The following RSRC1 variants were observed in gnomAD, a reference collection of about 807,000 sequenced individuals.
The protein encoded by RSRC1 is arginine and serine rich coiled-coil 1, also known as serine/Arginine-related protein 53.
In RSRC1, 39 loss-of-function variants were observed where a neutral mutation model predicts 49.1. The observed-to-expected ratio is 0.79, with a 90% CI of 0.61 to 1.04. The LOEUF (loss-of-function observed/expected upper bound fraction) is 1.04, where lower values mean the gene tolerates loss of function less well. Among genes scored for constraint, RSRC1 ranks in the 50% least tolerant of loss-of-function variants. The probability of loss-of-function intolerance (pLI) is 0.00; values close to 1 mark genes in which losing one functional copy is unlikely to be tolerated. For missense variants in RSRC1, 388 were observed against 402.4 expected (o/e 0.96, Z 0.31); for synonymous variants, 143 against 130.8 (o/e 1.09, Z -0.63).
chr3:158,379,358 G>A (rs996660905), intron 6 of RSRC1, among the ~76,000 whole-genome samples: 15 of 151,306 alleles, frequency 9.9e-5, no homozygotes, highest in African/African-American at 3.4e-4. Context: ...CCGCCACCAC[G>A]CCCGGCTAAT....
intron 6 of RSRC1, among the ~76,000 whole-genome samples, chr3:158,440,769 C>T (rs1736339754): frequency 6.6e-6 from 1 of 151,926 alleles, no homozygotes; most frequent in South Asian, 2.1e-4. Flanking sequence ...CATGGTGAAA[C>T]CCCATCTCTA....
chr3:158,330,011 G>A (rs957376065), intron 5 of RSRC1, among the ~76,000 whole-genome samples: 3 of 152,182 alleles, frequency 2.0e-5, no homozygotes, highest in Admixed American at 6.5e-5. Flanking sequence ...GCGAGGCTCC[G>A]TGGGCGTTGG....
intron 4 of RSRC1, among the ~76,000 whole-genome samples, chr3:158,287,523 G>C (rs1559977766): frequency 1.3e-5 from 2 of 151,968 alleles, no homozygotes; most frequent in African/African-American, 4.8e-5. Flanking sequence ...TTATACCCCA[G>C]TTTTATTTAT....
chr3:158,226,920 A>T (rs1474032563), intron 4 of RSRC1, among the ~76,000 whole-genome samples: 1 of 151,934 alleles, frequency 6.6e-6, no homozygotes, highest in East Asian at 1.9e-4. Flanking sequence ...AAGGTTGAGA[A>T]ATATTTTCAT....
chr3:158,423,020 G>A (rs1248407526), intron 6 of RSRC1, among the ~76,000 whole-genome samples: 2 of 152,110 alleles, frequency 1.3e-5, no homozygotes, highest in Admixed American at 1.3e-4. Flanking sequence ...CTCCCATTCT[G>A]TAAGTTGCCT....
intron 5 of RSRC1, among the ~76,000 whole-genome samples, chr3:158,301,991 G>GTTTT (rs35843326): frequency 7.0e-6 from 1 of 142,784 alleles, no homozygotes. Context: ...GGGTTTTTTT[G>GTTTT]TTTTTTTTTT....
rs1204058962 is a variant in RSRC1 at position 158,122,262 on chromosome 3, G to A, written c.158G>A (p.Arg53Lys). The A allele has an allele frequency of 2.5e-6, 4 of 1,599,218 alleles. No individual in the cohort carries two copies. The highest frequency in any genetic ancestry group is 1.1e-5 in the South Asian group (1 of 89,316). The change falls in exon 2 of 10, where the codon AGA (arginine) becomes AAA (lysine). Residue 53 changes from arginine (R) to lysine (K), a missense_variant. By Grantham distance (26) the Arg-to-Lys change is conservative. Coordinates refer to ENST00000611884, the MANE Select transcript of RSRC1 (RefSeq NM_001271838.2). Reference protein sequence around the residue: ...KSRSKSRSWSRDLQPRSHSYD... With the variant: ...KSRSKSRSWSKDLQPRSHSYD... ...AGATCAAAGTCAAGATCTTGGTCCAGAGATCTTCAGCCTCGTTCACATTCT... is the reference window on the plus strand; with the variant it reads ...AGATCAAAGTCAAGATCTTGGTCCAAAGATCTTCAGCCTCGTTCACATTCT...
chr3:158,215,236 A>G (rs1425328525), intron 4 of RSRC1, among the ~76,000 whole-genome samples: 1 of 149,272 alleles, frequency 6.7e-6, no homozygotes, highest in African/African-American at 2.5e-5. Context: ...TCCATCTTCC[A>G]TCATTTACTT....
chr3:158,322,293 C>T (rs1728808415), intron 5 of RSRC1, among the ~76,000 whole-genome samples: 2 of 152,160 alleles, frequency 1.3e-5, no homozygotes, highest in Admixed American at 1.3e-4. Context: ...GAGATGGGAT[C>T]TTACTATCAT....
chr3:158,436,386 A>G (rs1038939507), intron 6 of RSRC1, among the ~76,000 whole-genome samples: 4 of 151,998 alleles, frequency 2.6e-5, no homozygotes, highest in African/African-American at 9.7e-5. Flanking sequence ...TGTAGTTGTG[A>G]CACAGCATCT....
At chr3:158,288,226 A>G (rs886469490) in intron 4 of RSRC1, among the ~76,000 whole-genome samples, 3 of 152,092 alleles carry the variant, frequency 2.0e-5, no homozygotes, top group Non-Finnish European at 2.9e-5. Flanking sequence ...CCTCTTTTCT[A>G]TGTACTCAGT....
chr3:158,345,940 G>T (rs1463311401), intron 5 of RSRC1, among the ~76,000 whole-genome samples: 1 of 151,462 alleles, frequency 6.6e-6, no homozygotes, highest in Non-Finnish European at 1.5e-5. Flanking sequence ...CACAGATGGT[G>T]CTGGAACAAT....
chr3:158,232,127 T>C (rs1324125757), intron 4 of RSRC1, among the ~76,000 whole-genome samples: 2 of 152,168 alleles, frequency 1.3e-5, no homozygotes, highest in African/African-American at 2.4e-5. Context: ...CTATATGTTT[T>C]TGTTTAGTAC....
chr3:158,517,188 A>G lies in RSRC1; in HGVS notation c.653-19904A>G, dbSNP rs565472574. Among the ~76,000 whole-genome samples the G allele has an allele frequency of 5.2e-5, 5 of 95,616 alleles. No homozygotes were observed. The South Asian group carries it at 1.9e-3, about 36-fold the overall frequency. 62.7% of individuals were successfully genotyped at this position (95,616 alleles called of 152,430 possible). ...CTATTAATATTATTATCATTTTACA[A>G]TTAATTTTCTGTTCAGGGCTGCTAT... On this transcript the variant is annotated intron_variant, in intron 7 of 9. Coordinates refer to ENST00000611884, the MANE Select transcript of RSRC1 (RefSeq NM_001271838.2).
At chr3:158,404,869 TA>T (rs1219679500) in intron 6 of RSRC1, among the ~76,000 whole-genome samples, 1 of 151,982 alleles carries the variant, frequency 6.6e-6, no homozygotes, top group Non-Finnish European at 1.5e-5. Flanking sequence ...ATACTTACCT[TA>T]AAAAGTTTTC....
intron 3 of RSRC1, among the ~76,000 whole-genome samples, chr3:158,160,165 A>G (rs1255282539): frequency 6.6e-6 from 1 of 152,198 alleles, no homozygotes; most frequent in Non-Finnish European, 1.5e-5. Context: ...TTATTAAAAC[A>G]TCCCCTGAAG....
intron 3 of RSRC1, among the ~76,000 whole-genome samples, chr3:158,168,171 C>T (rs777381289): frequency 5.3e-5 from 8 of 152,164 alleles, no homozygotes; most frequent in Non-Finnish European, 7.4e-5. Flanking sequence ...GAGACCTCAT[C>T]CCCCGCTCTC....
intron 4 of RSRC1, among the ~76,000 whole-genome samples, chr3:158,263,779 C>T (rs1038580097): frequency 4.6e-5 from 7 of 152,090 alleles, no homozygotes; most frequent in African/African-American, 1.7e-4. Context: ...TTGTGTCTTT[C>T]CAGGAGTTGG....
intron 6 of RSRC1, among the ~76,000 whole-genome samples, chr3:158,439,300 A>T (rs1736242100): frequency 6.6e-6 from 1 of 152,122 alleles, no homozygotes; most frequent in South Asian, 2.1e-4. Flanking sequence ...TTGACCCAGC[A>T]ATCCCATTAC....
Sources: allele counts gnomAD v4.1 joint callset (sites outside exome capture counted in the v4.1 genomes callset), GRCh38; gene constraint gnomAD v4.1.1; transcripts MANE v1.5; gene names NCBI Gene and HGNC (gene_info 2026-07-23, HGNC 2026-07-21).